DAB1: variants seen among roughly 807,000 people sequenced by gnomAD.
The protein encoded by DAB1 is DAB adaptor protein 1.
In DAB1, 15 loss-of-function variants were observed where a neutral mutation model predicts 64.6. That is an observed-to-expected ratio of 0.23 (90% CI 0.16 to 0.36). DAB1 has a LOEUF of 0.36. DAB1 is among the 10% of genes least tolerant of loss of function. The pLI, the probability that DAB1 is intolerant of heterozygous loss-of-function variation, is 1.00. For missense variants in DAB1, 596 were observed against 706.7 expected, an observed-to-expected ratio of 0.84 and a Z score of 1.78; for synonymous variants, 235 against 251.9, an observed-to-expected ratio of 0.93 and a Z score of 0.64.
intron 3 of DAB1, among the ~76,000 whole-genome samples, chr1:58,438,095 C>A (rs934158278): frequency 4.6e-5 from 7 of 152,226 alleles, no homozygotes; most frequent in Non-Finnish European, 1.0e-4. Context: ...CTCCCTGAGG[C>A]CCCGGTGGCT....
intron 7 of DAB1, among the ~76,000 whole-genome samples, chr1:57,583,276 G>GA (rs1645335356): frequency 6.8e-6 from 1 of 146,226 alleles, no homozygotes; most frequent in East Asian, 2.0e-4. Context: ...TCGGTTTCTT[G>GA]TTTTTTTTCT....
intron 5 of DAB1, among the ~76,000 whole-genome samples, chr1:57,901,717 G>A (rs1309109317): frequency 6.6e-6 from 1 of 152,094 alleles, no homozygotes; most frequent in Non-Finnish European, 1.5e-5. Flanking sequence ...GTCAGGCGCT[G>A]AATTCATGGC....
chr1:57,317,402 G>T (rs1217753671), intron 1 of DAB1, among the ~76,000 whole-genome samples: 1 of 152,212 alleles, frequency 6.6e-6, no homozygotes, highest in Non-Finnish European at 1.5e-5. Context: ...ACATGTTAGA[G>T]TAATTTGTTA....
downstream of DAB1, among the ~76,000 whole-genome samples, chr1:57,821,684 T>C (rs550951157): frequency 6.6e-6 from 1 of 152,300 alleles, no homozygotes; most frequent in Non-Finnish European, 1.5e-5. Flanking sequence ...ACCCACAGGT[T>C]AGATGCAAAG....
chr1:57,715,323 T>C (rs1557439410), intron 6 of DAB1, among the ~76,000 whole-genome samples: 1 of 152,126 alleles, frequency 6.6e-6, no homozygotes, highest in Non-Finnish European at 1.5e-5. Context: ...GCTAACATCA[T>C]AATGAACAGG....
At chr1:57,506,983 A>G (rs1042349227) in intron 7 of DAB1, among the ~76,000 whole-genome samples, 20 of 152,010 alleles carry the variant, frequency 1.3e-4, no homozygotes, top group African/African-American at 4.8e-4. Flanking sequence ...ACAAGCTCCT[A>G]ATTAGTCTCC....
chr1:57,499,699 T>C (rs553411976), intron 7 of DAB1, among the ~76,000 whole-genome samples: 2 of 152,360 alleles, frequency 1.3e-5, no homozygotes, highest in South Asian at 4.1e-4. Context: ...TAGTCTAACT[T>C]AAGGGCAATG....
intron 5 of DAB1, among the ~76,000 whole-genome samples, chr1:58,066,635 AAG>A (rs1342519869): frequency 7.2e-5 from 11 of 152,162 alleles, no homozygotes; most frequent in African/African-American, 2.7e-4. Flanking sequence ...CATAATGAGT[AAG>A]AAGTAGAGCC....
At chr1:58,277,829 C>G (rs1039609343) in intron 4 of DAB1, among the ~76,000 whole-genome samples, 15 of 152,144 alleles carry the variant, frequency 9.9e-5, no homozygotes, top group African/African-American at 3.6e-4. Context: ...TGTGAGCCGC[C>G]AGAGCAGTTT....
intron 9 of DAB1, among the ~76,000 whole-genome samples, chr1:57,059,255 C>T (rs1650141689): frequency 6.6e-6 from 1 of 152,152 alleles, no homozygotes; most frequent in South Asian, 2.1e-4. Context: ...CATAGAGGAT[C>T]AGAGATGCAA....
At chr1:58,130,210 AATGG>A (rs1255111091) in intron 5 of DAB1, among the ~76,000 whole-genome samples, 3 of 147,420 alleles carry the variant, frequency 2.0e-5, no homozygotes, top group African/African-American at 7.6e-5. Context: ...ACCATTATGT[AATGG>A]CCTTCTTTGT....
chr1:57,670,425 G>A (rs554516255), intron 6 of DAB1, among the ~76,000 whole-genome samples: 3 of 152,222 alleles, frequency 2.0e-5, no homozygotes, highest in African/African-American at 7.2e-5. Flanking sequence ...GTGTGAGGTA[G>A]AGAAATGTGC....
intron 5 of DAB1, 151 bp downstream of exon 5, chr1:57,072,132 A>G (rs1570638012): frequency 2.4e-6 from 2 of 844,418 alleles, no homozygotes; most frequent in East Asian, 2.8e-5. Flanking sequence ...AAGGCTGTTT[A>G]TCTTTTCTAG....
intron 4 of DAB1, among the ~76,000 whole-genome samples, chr1:58,195,209 G>A (rs1657608687): frequency 6.6e-6 from 1 of 152,164 alleles, no homozygotes; most frequent in Non-Finnish European, 1.5e-5. Context: ...CATATGGCAG[G>A]TGTTCCAAGT....
intron 5 of DAB1, among the ~76,000 whole-genome samples, chr1:58,022,593 A>T (rs1463912093): frequency 6.6e-6 from 1 of 152,114 alleles, no homozygotes; most frequent in Non-Finnish European, 1.5e-5. Flanking sequence ...GTGGACTGAA[A>T]GGCATGACTC....
At chr1:57,065,949 CT>C (rs11308788) in intron 8 of DAB1, among the ~76,000 whole-genome samples, 35,829 of 151,988 alleles carry the variant, frequency 0.24, 4,571 homozygotes, top group Middle Eastern at 0.32. Context: ...TATAAATAAT[CT>C]TTTTTTTGTG....
chr1:57,815,026 C>A (rs1027054224), intron 6 of DAB1, among the ~76,000 whole-genome samples: 1 of 152,008 alleles, frequency 6.6e-6, no homozygotes, highest in Admixed American at 6.6e-5. Flanking sequence ...TGGATTAAAA[C>A]TACTATTTTC....
chr1:57,413,854 T>C (rs1684303523), intron 1 of DAB1, among the ~76,000 whole-genome samples: 1 of 151,948 alleles, frequency 6.6e-6, no homozygotes, highest in Non-Finnish European at 1.5e-5. Flanking sequence ...TGGAAGAAGT[T>C]GATTCATGGC....
At chr1:57,057,110 G>T (rs1375980492) in intron 9 of DAB1, among the ~76,000 whole-genome samples, 2 of 152,060 alleles carry the variant, frequency 1.3e-5, no homozygotes, top group Non-Finnish European at 2.9e-5. Flanking sequence ...AGGGATGAGG[G>T]TCATGAAATT....
Sources: gnomAD v4.1 joint callset for allele counts (sites outside exome capture counted in the v4.1 genomes callset) on GRCh38, gnomAD v4.1.1 for gene constraint, MANE v1.5 for transcripts, NCBI Gene and HGNC (gene_info 2026-07-23, HGNC 2026-07-21) for gene names.